RASGRP2: variants seen among roughly 807,000 people sequenced by gnomAD.
RASGRP2 encodes RAS guanyl-releasing protein 2.
RASGRP2 carries 44 observed loss-of-function variants against 71.0 expected under a neutral mutation model. The ratio of observed to expected loss-of-function variants is 0.62; its 90% CI spans 0.49 to 0.80. The LOEUF is 0.80. Ranked by LOEUF, RASGRP2 falls within the 30% of genes least tolerant of loss-of-function variation. The pLI is 0.00. For synonymous variants in RASGRP2, 350 were observed against 330.7 expected, an observed-to-expected ratio of 1.06 and a Z score of -0.63; for missense variants, 663 against 813.4, an observed-to-expected ratio of 0.82 and a Z score of 2.25.
chr11:64,728,719 C>G, intron 15 of RASGRP2, 144 bp downstream of exon 15: 1 of 948,796 alleles, frequency 1.1e-6, no homozygotes, highest in Non-Finnish European at 1.5e-6. Flanking sequence ...AGGCGTGAGC[C>G]ACCGCGCCCG....
intron 12 of RASGRP2, among the ~76,000 whole-genome samples, chr11:64,732,873 C>T (rs1014889763): frequency 1.3e-5 from 2 of 151,932 alleles, no homozygotes; most frequent in African/African-American, 4.8e-5. Context: ...TCACTTGAAC[C>T]CGGGAGGCGG....
Position 64,739,492 on chromosome 11 carries a change from G to A in RASGRP2, c.697-16C>T, listed in dbSNP as rs756858218. 7 of 1,612,962 alleles carry A rather than the reference G, an allele frequency of 4.3e-6. No homozygotes were observed. In the South Asian group the frequency reaches 7.7e-5, roughly 18 times the overall value. ...GTAGCAGCTTCTGGAAGGCAAATGG[G>A]GACGGAGAGGCAGGGAGTCACTGAG... On this transcript the variant is annotated splice_polypyrimidine_tract_variant and intron_variant, in intron 7 of 16. Transcript: ENST00000394432. This position sits in a 1 kb window ranked among gnomAD's most constrained non-coding sequence, Gnocchi z 4.2.
At chr11:64,734,789 C>G (rs1366901199) in intron 12 of RASGRP2, among the ~76,000 whole-genome samples, 1 of 152,162 alleles carries the variant, frequency 6.6e-6, no homozygotes, top group African/African-American at 2.4e-5. Flanking sequence ...AACAGACTAT[C>G]CAGGAGCTCA....
Position 64,742,597 on chromosome 11 carries a change from G to A in RASGRP2, c.73+197C>T. 1 of 737,202 alleles carries A rather than the reference G, an allele frequency of 1.4e-6. No homozygotes were observed. Among genetic ancestry groups the A allele is most frequent in the East Asian group, 2.7e-5 (1 of 36,656 alleles). 45.7% of individuals were successfully genotyped at this position (737,202 alleles called of 1,614,324 possible). A position where few individuals can be genotyped will look rare whatever the true frequency, so the allele number is the denominator to read the frequency against. On this transcript the variant is annotated intron_variant, in intron 2 of 16. Coordinates refer to ENST00000394432, the MANE Select transcript of RASGRP2 (RefSeq NM_001098671.2). This position sits in a 1 kb window ranked among gnomAD's most constrained non-coding sequence, Gnocchi z 4.7. The stretch of plus-strand genomic sequence containing the variant: ...GCCGCCGCTGGGGAAGGCTAGAGAA[G>A]GGAAACCTCATCTGTCTGAAGGGCG...
At position 64,729,805 on chromosome 11, in the gene RASGRP2, T is replaced by C. The variant is rs755245750; in HGVS notation, c.1555-7A>G. Reference sequence around the variant, plus strand: ...GCTTGTAGATGCCCAGGATCTGCAATAGAGGAGGGGCCGTGGTGGGAGGAG... The same window carrying C: ...GCTTGTAGATGCCCAGGATCTGCAACAGAGGAGGGGCCGTGGTGGGAGGAG... On this transcript the variant is annotated splice_region_variant and splice_polypyrimidine_tract_variant and intron_variant, in intron 13 of 16. Transcript: ENST00000394432. The C allele has an allele frequency of 4.3e-6, 7 of 1,613,900 alleles. No individual in the cohort carries two copies. The South Asian group carries it at 6.6e-5, about 15-fold the overall frequency.
At position 64,730,293 on chromosome 11, in the gene RASGRP2, C is replaced by G. The variant is rs1478528494; in HGVS notation, c.1413-99G>C. On this transcript the variant is annotated intron_variant, in intron 12 of 16. Transcript: ENST00000394432. ...CTGTTCCCAGTGTCCTCATGGAACTCCTGATTTTGGACTCCTGTTGCAGAG... is the reference window on the plus strand; with the variant it reads ...CTGTTCCCAGTGTCCTCATGGAACTGCTGATTTTGGACTCCTGTTGCAGAG... The G allele has an allele frequency of 2.0e-6, 3 of 1,470,322 alleles. No homozygotes were observed. In the African/African-American group the frequency reaches 4.2e-5, roughly 21 times the overall value. 91.1% of individuals were successfully genotyped at this position (1,470,322 alleles called of 1,614,324 possible).
At chr11:64,741,200 C>G in intron 4 of RASGRP2, 121 bp from the exon 5 acceptor site, 5 of 1,313,778 alleles carry the variant, frequency 3.8e-6, no homozygotes, top group South Asian at 3.8e-5. Context: ...GGTTCCAGCT[C>G]TTTCCTTCGC....
At chr11:64,741,556 A>G in intron 3 of RASGRP2, 55 bp from the exon 4 acceptor site, 1 of 1,456,932 alleles carries the variant, frequency 6.9e-7, no homozygotes, top group South Asian at 1.2e-5. Flanking sequence ...GCCTGCGTGG[A>G]GGGAGGCTGG....
intron 3 of RASGRP2, 62 bp from the exon 4 acceptor site, chr11:64,741,563 C>A: frequency 7.0e-7 from 1 of 1,423,906 alleles, no homozygotes. Context: ...TGGAGGGAGG[C>A]TGGGGGCGGG....
chr11:64,740,637 G>T (rs373688511), intron 5 of RASGRP2: 1 of 646,644 alleles, frequency 1.5e-6, no homozygotes. Flanking sequence ...TTGGTAACAC[G>T]GAGGAGGCAG....
chr11:64,735,024 G>T lies in RASGRP2; in HGVS notation c.1412+88C>A. 1 of 1,043,330 alleles carries T rather than the reference G, an allele frequency of 9.6e-7. No individual in the cohort carries two copies. The highest frequency in any genetic ancestry group is 1.3e-5 in the South Asian group (1 of 78,780). The allele number at this position is 1,043,330 out of a possible 1,614,324, so 64.6% of individuals were successfully genotyped here. On this transcript the variant is annotated intron_variant, in intron 12 of 16. Coordinates refer to ENST00000394432, the MANE Select transcript of RASGRP2 (RefSeq NM_001098671.2). This position sits in a 1 kb window ranked among gnomAD's most constrained non-coding sequence, Gnocchi z 4.2. ...CCAGGCCAAGATCATCTGGCTCAGTGACCTCATCTTGCACACAAGAAACTG... is the reference window on the plus strand; with the variant it reads ...CCAGGCCAAGATCATCTGGCTCAGTTACCTCATCTTGCACACAAGAAACTG...
At chr11:64,744,873 GC>G (rs2058256912), upstream of RASGRP2, 2 of 75,852 alleles carry the variant, frequency 2.6e-5, no homozygotes, top group African/African-American at 4.8e-5. Context: ...CCGCCGCCCC[GC>G]CCCCGCCCCC....
chr11:64,744,735 C>A (rs2058252020), upstream of RASGRP2: 1 of 150,982 alleles, frequency 6.6e-6, no homozygotes, highest in Admixed American at 6.6e-5. Context: ...CGCGCTCGCC[C>A]ACTCACTCTT....
chr11:64,740,801 C>T, intron 5 of RASGRP2, 147 bp downstream of exon 5: 1 of 1,031,544 alleles, frequency 9.7e-7, no homozygotes, highest in Admixed American at 1.9e-5. Flanking sequence ...CCAGAGGAGG[C>T]ATGTTGAAGG....
Position 64,735,654 on chromosome 11 carries a change from G to A in RASGRP2, c.1184C>T (p.Pro395Leu). Residue 395 changes from proline to leucine, a missense_variant, in exon 11 of 17, where the codon CCC (proline) becomes CTC (leucine). Transcript: ENST00000394432. This position sits in a 1 kb window ranked among gnomAD's most constrained non-coding sequence, Gnocchi z 4.2. ...CCGGGGTGGTGGGGTGCAACTCGTG[G>A]GGCTGGTTGGCTATGGAAATGGTCG... ...EPRSKSSPTS[P>L]TSCTPPPRPP... 6.2e-7 allele frequency: 1 copy of A among 1,611,890 alleles called. No homozygotes were observed. Among genetic ancestry groups the A allele is most frequent in the Non-Finnish European group, 8.5e-7 (1 of 1,179,314 alleles).
intron 8 of RASGRP2, among the ~76,000 whole-genome samples, chr11:64,737,648 C>G (rs1196884224): frequency 7.1e-6 from 1 of 141,282 alleles, no homozygotes; most frequent in African/African-American, 2.6e-5. Flanking sequence ...TCACTGCACT[C>G]CAGCCTGGCG....
intron 5 of RASGRP2, chr11:64,740,673 C>T (rs2058092457): frequency 1.5e-6 from 1 of 651,278 alleles, no homozygotes; most frequent in Non-Finnish European, 2.8e-6. Context: ...GAGCAGAGCA[C>T]CATGATGAGA....
At position 64,742,450 on chromosome 11, in the gene RASGRP2, G is replaced by C; in HGVS notation, c.74-338C>G. ...GGGGGGAAGGGGCACCCCTTCACCA[G>C]ATAAGCCGCCCCCCATTAGCCGGAA... On this transcript the variant is annotated intron_variant, in intron 2 of 16. Transcript: ENST00000394432. The surrounding 1 kb of genome is among the most constrained non-coding windows in gnomAD (Gnocchi z 4.7). The C allele has an allele frequency of 1.8e-6, 1 of 562,274 alleles. No individual in the cohort carries two copies. The highest frequency in any genetic ancestry group is 3.2e-6 in the Non-Finnish European group (1 of 313,092). 34.8% of individuals were successfully genotyped at this position (562,274 alleles called of 1,614,324 possible).
upstream of RASGRP2, chr11:64,744,414 G>A (rs12223914): frequency 3.2e-6 from 2 of 622,448 alleles, no homozygotes; most frequent in South Asian, 1.4e-4. Flanking sequence ...AGCCGTCCCC[G>A]CCTGGCTCTA....
Sources: gnomAD v4.1 joint callset for allele counts (sites outside exome capture counted in the v4.1 genomes callset) on GRCh38, gnomAD v4.1.1 for gene constraint, Gnocchi (gnomAD v3.1) non-coding constraint, MANE v1.5 for transcripts, NCBI Gene and HGNC (gene_info 2026-07-23, HGNC 2026-07-21) for gene names.